Variants in ARHGEF38 observed in about 807,000 individuals in gnomAD.
ARHGEF38 encodes the protein Rho guanine nucleotide exchange factor 38, also known as Rho guanine nucleotide exchange factor (GEF) 38.
A neutral mutation model predicts 79.9 loss-of-function variants in ARHGEF38; 79 were observed. That is an observed-to-expected ratio of 0.99 (90% confidence interval 0.82 to 1.19). The LOEUF is 1.19. Ranked by LOEUF, ARHGEF38 falls within the 50% of genes most tolerant of loss-of-function variation. ARHGEF38 has a pLI of 0.00. For missense variants in ARHGEF38, 962 were observed against 907.2 expected, an observed-to-expected ratio of 1.06 and a Z score of -0.78; for synonymous variants, 366 against 328.3, an observed-to-expected ratio of 1.11 and a Z score of -1.24.
In ARHGEF38 at chr4:105,559,432, C is replaced by T. The variant is rs536385358; in HGVS notation, c.196+6471C>T. Among the ~76,000 whole-genome samples, 14 of 152,102 alleles carry T rather than the reference C, an allele frequency of 9.2e-5. 1 individual carries two copies. The highest frequency in any genetic ancestry group is 9.2e-4 in the Admixed American group (14 of 15,260). ...TGGAGCTTGATCATGCTGGAGTGTTCAGATCATGTCTACCAGGTTCCTCTG... is the reference window on the plus strand; with the variant it reads ...TGGAGCTTGATCATGCTGGAGTGTTTAGATCATGTCTACCAGGTTCCTCTG... On this transcript the variant is annotated intron_variant, in intron 1 of 13. Transcript: ENST00000420470.
At chr4:105,661,352 C>A (rs1259686967) in intron 10 of ARHGEF38, among the ~76,000 whole-genome samples, 1 of 151,852 alleles carries the variant, frequency 6.6e-6, no homozygotes, top group Admixed American at 6.6e-5. Context: ...AGTGGAATTT[C>A]TGGATCATAT....
intron 2 of ARHGEF38, among the ~76,000 whole-genome samples, chr4:105,589,896 G>A (rs1208008527): frequency 6.6e-6 from 1 of 151,878 alleles, no homozygotes; most frequent in Non-Finnish European, 1.5e-5. Flanking sequence ...AAAATTAGCT[G>A]GGCATGGTGG....
At chr4:105,609,206 T>C (rs1272262131) in intron 2 of ARHGEF38, among the ~76,000 whole-genome samples, 1 of 152,094 alleles carries the variant, frequency 6.6e-6, no homozygotes, top group Non-Finnish European at 1.5e-5. Context: ...TTCATTTTTC[T>C]GCATGTGGAT....
chr4:105,655,817 C>A, intron 9 of ARHGEF38, 95 bp downstream of exon 9: 2 of 1,320,804 alleles, frequency 1.5e-6, no homozygotes, highest in Non-Finnish European at 2.0e-6. Context: ...AGAAATAAAA[C>A]ATGCACTAAA....
At chr4:105,556,817 A>T (rs1420102707) in intron 1 of ARHGEF38, among the ~76,000 whole-genome samples, 3 of 152,180 alleles carry the variant, frequency 2.0e-5, no homozygotes, top group Admixed American at 2.0e-4. Context: ...GAGCCATTGT[A>T]TTTATCTAAA....
At chr4:105,600,873 G>T (rs936465461) in intron 2 of ARHGEF38, among the ~76,000 whole-genome samples, 2 of 151,994 alleles carry the variant, frequency 1.3e-5, no homozygotes, top group African/African-American at 4.8e-5. Flanking sequence ...ATATCAGATC[G>T]ATCAGCAAAT....
chr4:105,638,269 G>A (rs557892544), intron 5 of ARHGEF38, among the ~76,000 whole-genome samples: 1 of 151,912 alleles, frequency 6.6e-6, no homozygotes, highest in Non-Finnish European at 1.5e-5. Context: ...AAAGATATTT[G>A]TAATTTCTAA....
intron 2 of ARHGEF38, among the ~76,000 whole-genome samples, chr4:105,609,629 C>T (rs1419639327): frequency 6.6e-6 from 1 of 152,004 alleles, no homozygotes. Flanking sequence ...TGCAACCACA[C>T]AAGACCCTGA....
At chr4:105,566,033 T>C (rs1046933389) in intron 1 of ARHGEF38, among the ~76,000 whole-genome samples, 3 of 152,182 alleles carry the variant, frequency 2.0e-5, no homozygotes, top group Non-Finnish European at 4.4e-5. Flanking sequence ...GGCTTCCTCC[T>C]CACCCTCCCC....
chr4:105,666,710 G>T (rs185341463), intron 11 of ARHGEF38, among the ~76,000 whole-genome samples: 3 of 152,168 alleles, frequency 2.0e-5, no homozygotes, highest in South Asian at 2.1e-4. Flanking sequence ...CGAGCTGAGG[G>T]GGGGAGTATA....
In ARHGEF38 at chr4:105,630,931, A is replaced by G; in HGVS notation, c.542A>G (p.Glu181Gly). The change falls in exon 4 of 14, where the codon GAA becomes GGA. Residue 181 changes from glutamate to glycine, a missense_variant. Transcript: ENST00000420470. The stretch of plus-strand genomic sequence containing the variant: ...TTCTTGCAGATTAAAGGGCCACTGG[A>G]AGATATTTATAAAATCTACTGCTAT... ...EVFLQIKGPLEDIYKIYCYHH... is the reference protein window; with the variant it reads ...EVFLQIKGPLGDIYKIYCYHH... 6.2e-7 allele frequency: 1 copy of G among 1,612,124 alleles called. No homozygotes were observed. The highest frequency in any genetic ancestry group is 8.5e-7 in the Non-Finnish European group (1 of 1,179,424).
At chr4:105,658,914 T>A (rs1730446651) in intron 9 of ARHGEF38, 140 bp from the exon 10 acceptor site, 2 of 703,316 alleles carry the variant, frequency 2.8e-6, no homozygotes, top group East Asian at 5.4e-5. Flanking sequence ...AATGATCAGA[T>A]CCTCTTTTAA....
intron 2 of ARHGEF38, among the ~76,000 whole-genome samples, chr4:105,599,786 G>A (rs924860877): frequency 6.6e-6 from 1 of 152,122 alleles, no homozygotes; most frequent in Non-Finnish European, 1.5e-5. Context: ...ACTTATGTAA[G>A]GCACTTTAGA....
intron 2 of ARHGEF38, among the ~76,000 whole-genome samples, chr4:105,609,219 C>A (rs933245497): frequency 6.6e-6 from 1 of 151,978 alleles, no homozygotes; most frequent in Non-Finnish European, 1.5e-5. Flanking sequence ...ATGTGGATAG[C>A]CAGTTTTTCT....
At chr4:105,561,542 A>ATAGAATAG (rs1725627237) in intron 1 of ARHGEF38, 1 of 150,984 alleles carries the variant, frequency 6.6e-6, no homozygotes, top group Non-Finnish European at 1.5e-5. Flanking sequence ...ATAGAATAGA[A>ATAGAATAG]AAGTTTCTTT....
chr4:105,616,875 T>C (rs1356118865), intron 3 of ARHGEF38, among the ~76,000 whole-genome samples: 1 of 152,186 alleles, frequency 6.6e-6, no homozygotes, highest in East Asian at 1.9e-4. Flanking sequence ...TGCAGCTGCT[T>C]AAGGTGTGTT....
At chr4:105,603,042 A>G (rs967080847) in intron 2 of ARHGEF38, among the ~76,000 whole-genome samples, 2 of 152,054 alleles carry the variant, frequency 1.3e-5, no homozygotes, top group Non-Finnish European at 2.9e-5. Context: ...CAGTCCCATC[A>G]TTTTACAGAT....
Position 105,639,092 on chromosome 4 carries a change from G to A in ARHGEF38, c.674+2672G>A, listed in dbSNP as rs567899930. On this transcript the variant is annotated intron_variant, in intron 5 of 13. Coordinates refer to ENST00000420470, the MANE Select transcript of ARHGEF38 (RefSeq NM_001242729.2). ...GCCAACACTAGATACAAATAATATT[G>A]ATATCTTTATAACTTGTAATGTATA... 3.0e-4 allele frequency among the ~76,000 whole-genome samples: 46 copies of A among 151,752 alleles called. 1 individual carries two copies. In the South Asian group the frequency reaches 9.2e-3, roughly 30 times the overall value.
At position 105,679,972 on chromosome 4, in the gene ARHGEF38, T is replaced by C; in HGVS notation, c.*2035T>C. 7.6e-7 allele frequency: 1 copy of C among 1,321,190 alleles called. No individual in the cohort carries two copies. Among genetic ancestry groups the C allele is most frequent in the African/African-American group, 1.4e-5 (1 of 69,146 alleles). The allele number at this position is 1,321,190 out of a possible 1,614,324, so 81.8% of individuals were successfully genotyped here. A position where few individuals can be genotyped will look rare whatever the true frequency, so the allele number is the denominator to read the frequency against. ...AATTTCTCTTTGTGACTGTGCAATG[T>C]CCCCATGTAAACACAGTGCATTCTG... On this transcript the variant is annotated 3_prime_UTR_variant, in exon 14 of 14. Transcript: ENST00000420470.
Sources: allele counts gnomAD v4.1 joint callset (sites outside exome capture counted in the v4.1 genomes callset), GRCh38; gene constraint gnomAD v4.1.1; transcripts MANE v1.5; gene names NCBI Gene and HGNC (gene_info 2026-07-23, HGNC 2026-07-21).